VWA3B: variants seen among roughly 807,000 people sequenced by gnomAD.
VWA3B encodes von Willebrand factor A domain containing 3B.
A neutral mutation model predicts 158.3 loss-of-function variants in VWA3B; 138 were observed. The observed-to-expected ratio is 0.87, with a 90% confidence interval of 0.76 to 1.00. The LOEUF is 1.00. VWA3B is among the 50% of genes least tolerant of loss of function. The pLI, the probability that VWA3B is intolerant of heterozygous loss-of-function variation, is 0.00. For synonymous variants in VWA3B, 596 were observed against 587.3 expected (o/e 1.01, Z -0.21); for missense variants, 1,555 against 1,565.1 (o/e 0.99, Z 0.11).
chr2:98,324,654 C>T, the VWA3B span, among the ~76,000 whole-genome samples: 1 of 152,104 alleles, frequency 6.6e-6, no homozygotes, highest in African/African-American at 2.4e-5. Flanking sequence ...TCTCTACAAC[C>T]TAACATTTAT....
rs1687128168 is a variant in VWA3B, at chr2:98,256,176, T to C, written c.2843+2T>C. The stretch of plus-strand genomic sequence containing the variant: ...ATTATCTCAAGAGGAAAAAGAAAAG[T>C]AAGCCATTCCATTCCCTCCTCACTT... On this transcript the variant is annotated splice_donor_variant, in intron 21 of 27. Transcript: ENST00000477737. LOFTEE classifies it high-confidence loss of function. The C allele has an allele frequency of 8.1e-6, 13 of 1,606,158 alleles. No homozygotes were observed. Among genetic ancestry groups the C allele is most frequent in the Non-Finnish European group, 1.1e-5 (13 of 1,178,570 alleles).
intron 2 of VWA3B, among the ~76,000 whole-genome samples, chr2:98,110,953 T>C (rs534935186): frequency 3.3e-5 from 5 of 152,352 alleles, no homozygotes; most frequent in African/African-American, 1.2e-4. Context: ...GCTGTCCATG[T>C]AAGATGTGAC....
intron 22 of VWA3B, among the ~76,000 whole-genome samples, chr2:98,279,806 A>T (rs1258640955): frequency 6.6e-6 from 1 of 152,106 alleles, no homozygotes; most frequent in East Asian, 1.9e-4. Context: ...GACAGCAAAA[A>T]TTAGGGAGAT....
intron 1 of VWA3B, among the ~76,000 whole-genome samples, chr2:98,087,567 A>C (rs1681952356): frequency 6.6e-6 from 1 of 152,112 alleles, no homozygotes; most frequent in Non-Finnish European, 1.5e-5. Flanking sequence ...CCGAGGGTCA[A>C]GGTACCGACC....
intron 25 of VWA3B, among the ~76,000 whole-genome samples, chr2:98,301,139 A>T (rs892319344): frequency 6.6e-6 from 1 of 151,924 alleles, no homozygotes; most frequent in Non-Finnish European, 1.5e-5. Context: ...AAATACAAAA[A>T]ATGAGCCGGG....
At chr2:98,320,087 G>A in the VWA3B span, among the ~76,000 whole-genome samples, 33 of 152,052 alleles carry the variant, frequency 2.2e-4, no homozygotes, top group Admixed American at 6.5e-5. Context: ...GTCATGGGAG[G>A]GGCCAAGTGG....
chr2:98,283,146 C>G (rs1210355442), intron 22 of VWA3B, among the ~76,000 whole-genome samples: 1 of 152,152 alleles, frequency 6.6e-6, no homozygotes, highest in Non-Finnish European at 1.5e-5. Flanking sequence ...CGAAAGAGGG[C>G]TAGTTAAATA....
chr2:98,127,062 G>A (rs563216123), intron 5 of VWA3B, among the ~76,000 whole-genome samples: 1 of 151,648 alleles, frequency 6.6e-6, no homozygotes, highest in East Asian at 1.9e-4. Context: ...TTGGGATTTG[G>A]GATTAGAGCA....
intron 21 of VWA3B, among the ~76,000 whole-genome samples, chr2:98,266,884 G>A (rs1687872707): frequency 6.7e-6 from 1 of 149,116 alleles, no homozygotes; most frequent in Non-Finnish European, 1.5e-5. Flanking sequence ...TGTGGTTTTT[G>A]TACATTGATT....
chr2:98,284,616 A>C (rs1253705497), intron 22 of VWA3B, among the ~76,000 whole-genome samples: 1 of 152,230 alleles, frequency 6.6e-6, no homozygotes, highest in Non-Finnish European at 1.5e-5. Context: ...ATACATAGCT[A>C]TAGCTATATA....
chr2:98,181,359 C>G lies in VWA3B; in HGVS notation c.1311+147C>G, dbSNP rs922608885. 5.0e-6 allele frequency: 4 copies of G among 799,496 alleles called. No individual in the cohort carries two copies. In the African/African-American group the frequency reaches 6.9e-5, roughly 14 times the overall value. The allele number at this position is 799,496 out of a possible 1,614,324, so 49.5% of individuals were successfully genotyped here. A position where few individuals can be genotyped will look rare whatever the true frequency, so the allele number is the denominator to read the frequency against. On this transcript the variant is annotated intron_variant, in intron 9 of 27. Coordinates refer to ENST00000477737, the MANE Select transcript of VWA3B (RefSeq NM_144992.5). ...TGTGAAGAACAGGGTTCCTCTGTTT[C>G]CCTCCTCACCCTTCTCCAAAGGGCA...
At chr2:98,287,571 TA>T (rs144010795) in intron 22 of VWA3B, among the ~76,000 whole-genome samples, 2 of 152,106 alleles carry the variant, frequency 1.3e-5, no homozygotes, top group Non-Finnish European at 2.9e-5. Flanking sequence ...TCATCAAGCA[TA>T]AAAAAATGGA....
At chr2:98,186,934 C>A (rs977202659) in intron 9 of VWA3B, among the ~76,000 whole-genome samples, 3 of 152,178 alleles carry the variant, frequency 2.0e-5, no homozygotes, top group African/African-American at 7.2e-5. Context: ...CCTGGCCCTC[C>A]TCTTCGTGTG....
rs879228066 is a variant in VWA3B, at chr2:98,312,299, C to T, written c.3835C>T (p.Gln1279Ter). Residue 1279 changes from glutamine (Q) to a stop codon, truncating the protein, a stop_gained, in exon 28 of 28, where the codon CAA becomes TAA. Transcript: ENST00000477737. LOFTEE classifies it low-confidence loss of function (END_TRUNC). ...PPRAALPCTLQATHSSKGLRS... is the reference protein window; with the variant it reads ...PPRAALPCTL ...TCGAGCAGCCCTGCCCTGTACTCTC[C>T]AAGCCACCCACAGCAGCAAAGGGCT... 6.2e-7 allele frequency: 1 copy of T among 1,614,088 alleles called. No homozygotes were observed. Among genetic ancestry groups the T allele is most frequent in the Admixed American group, 1.7e-5 (1 of 60,024 alleles).
chr2:98,276,271 AT>A (rs1558753322), intron 22 of VWA3B, among the ~76,000 whole-genome samples: 1 of 152,162 alleles, frequency 6.6e-6, no homozygotes, highest in East Asian at 1.9e-4. Flanking sequence ...TCAAAATGCC[AT>A]TACTGTCACA....
At chr2:98,172,621 A>G (rs1679692515) in intron 8 of VWA3B, among the ~76,000 whole-genome samples, 1 of 151,926 alleles carries the variant, frequency 6.6e-6, no homozygotes, top group Non-Finnish European at 1.5e-5. Context: ...CCACTTCCAT[A>G]TCGTTTAAAG....
intron 22 of VWA3B, among the ~76,000 whole-genome samples, chr2:98,272,604 G>A (rs76679839): frequency 0.039 from 5,907 of 152,192 alleles, 168 homozygotes; most frequent in Middle Eastern, 0.075. Flanking sequence ...CTCTAATCCT[G>A]CCTTGGTCTT....
Position 98,270,850 on chromosome 2 carries a change from CA to C in VWA3B, c.3014del (p.Lys1005ArgfsTer51), listed in dbSNP as rs557144998. On this transcript the variant is annotated frameshift_variant, in exon 22 of 28. Coordinates refer to ENST00000477737, the MANE Select transcript of VWA3B (RefSeq NM_144992.5). LOFTEE classifies it high-confidence loss of function. The part of the protein sequence containing the change: ...QQAMELQEAA[K>X]KNYANKAPGE... Reference sequence around the variant, plus strand: ...AGGCCATGGAACTCCAGGAGGCTGCCAAGAAGAATTATGCAAACAAGGCCCC... The same window carrying C: ...AGGCCATGGAACTCCAGGAGGCTGCCAGAAGAATTATGCAAACAAGGCCCC... 6.1e-5 allele frequency: 99 copies of C among 1,613,976 alleles called. 1 individual carries two copies. The South Asian group carries it at 1.0e-3, about 17-fold the overall frequency.
chr2:98,194,624 T>C (rs950527809), intron 12 of VWA3B, 132 bp downstream of exon 12: 2 of 1,080,772 alleles, frequency 1.9e-6, no homozygotes, highest in Non-Finnish European at 2.6e-6. Context: ...ATGTAGACTT[T>C]TGTTTTGCTT....
Sources: gnomAD v4.1 joint callset for allele counts (sites outside exome capture counted in the v4.1 genomes callset) on GRCh38, gnomAD v4.1.1 for gene constraint, MANE v1.5 for transcripts, NCBI Gene and HGNC (gene_info 2026-07-23, HGNC 2026-07-21) for gene names.